The following TIMP3 variants were observed in gnomAD, a reference collection of about 807,000 sequenced individuals.
TIMP3 encodes the protein metalloproteinase inhibitor 3.
In TIMP3, 11 loss-of-function variants were observed where a neutral mutation model predicts 30.0. The observed-to-expected ratio is 0.37, with a 90% confidence interval of 0.23 to 0.61. The LOEUF (loss-of-function observed/expected upper bound fraction) is 0.61, where lower values mean the gene tolerates loss of function less well. TIMP3 is among the 20% of genes least tolerant of loss of function. The pLI, the probability that TIMP3 is intolerant of heterozygous loss-of-function variation, is 0.70. For missense variants in TIMP3, 181 were observed against 276.8 expected, an observed-to-expected ratio of 0.65 and a Z score of 2.45; for synonymous variants, 112 against 111.3, an observed-to-expected ratio of 1.01 and a Z score of -0.04.
intron 3 of TIMP3, among the ~76,000 whole-genome samples, chr22:32,857,757 C>T (rs191992370): frequency 6.6e-6 from 1 of 152,272 alleles, no homozygotes; most frequent in African/African-American, 2.4e-5. Flanking sequence ...AAGAGTTGGC[C>T]TCTAGTCCTA....
chr22:32,819,568 G>A (rs1355882593), intron 1 of TIMP3, among the ~76,000 whole-genome samples: 3 of 152,146 alleles, frequency 2.0e-5, no homozygotes, highest in African/African-American at 7.2e-5. Context: ...TATTCCAGGT[G>A]CTGGGCAGAG....
chr22:32,802,058 G>T lies in TIMP3; in HGVS notation c.57G>T (p.Trp19Cys). The T allele has an allele frequency of 6.3e-7, 1 of 1,576,672 alleles. No homozygotes were observed. The highest frequency in any genetic ancestry group is 8.6e-7 in the Non-Finnish European group (1 of 1,166,094). ...TGGGCAGCTGGAGCCTGGGGGACTG[G>T]GGCGCCGAGGCGTGCACATGCTCGC... is the stretch of plus-strand genomic sequence containing the variant. ...VLLGSWSLGD[W>C]GAEACTCSPS... Residue 19 changes from tryptophan (W) to cysteine (C), a missense_variant, in exon 1 of 5, where the codon TGG (tryptophan) becomes TGT (cysteine). By Grantham distance (215) the Trp-to-Cys change is radical. This residue lies in a region of TIMP3 where 71 missense variants were observed against 79.7 expected (regional missense o/e 0.89). Coordinates refer to ENST00000266085, the MANE Select transcript of TIMP3 (RefSeq NM_000362.5).
chr22:32,841,094 T>C (rs550526848), intron 1 of TIMP3, among the ~76,000 whole-genome samples: 2 of 152,352 alleles, frequency 1.3e-5, no homozygotes, highest in South Asian at 4.1e-4. Flanking sequence ...TAAATCACTC[T>C]GTGTGTGGCA....
At chr22:32,819,703 C>T (rs73158323) in intron 1 of TIMP3, among the ~76,000 whole-genome samples, 153 of 152,210 alleles carry the variant, frequency 1.0e-3, no homozygotes, top group South Asian at 3.3e-3. Context: ...CTCTAGGGGC[C>T]GCGTCTCCCA....
intron 1 of TIMP3, among the ~76,000 whole-genome samples, chr22:32,849,116 C>T (rs894847177): frequency 2.0e-5 from 3 of 152,268 alleles, no homozygotes; most frequent in Non-Finnish European, 4.4e-5. Context: ...GACAATGGCT[C>T]TAACAGGAGA....
At chr22:32,856,225 C>T (rs569818234) in intron 2 of TIMP3, among the ~76,000 whole-genome samples, 1 of 152,198 alleles carries the variant, frequency 6.6e-6, no homozygotes, top group Non-Finnish European at 1.5e-5. Context: ...AGAAAAAGGA[C>T]CTTTGTCACA....
chr22:32,814,112 G>A (rs1320643984), intron 1 of TIMP3, among the ~76,000 whole-genome samples: 2 of 1,392 alleles, frequency 1.4e-3, no homozygotes, highest in African/African-American at 5.4e-3. Context: ...ATACTCGTGT[G>A]TGTGTGTGTG....
intron 1 of TIMP3, among the ~76,000 whole-genome samples, chr22:32,821,151 A>G (rs1414385001): frequency 6.6e-6 from 1 of 152,196 alleles, no homozygotes; most frequent in African/African-American, 2.4e-5. Context: ...CTTAGAGTCA[A>G]AAAAAGCAGA....
At chr22:32,813,518 CACACACACA>C (rs2046971137) in intron 1 of TIMP3, among the ~76,000 whole-genome samples, 2 of 150,168 alleles carry the variant, frequency 1.3e-5, no homozygotes, top group South Asian at 4.2e-4. Context: ...CACACACACA[CACACACACA>C]CACACACACG....
intron 1 of TIMP3, among the ~76,000 whole-genome samples, chr22:32,826,998 G>C (rs1386205968): frequency 6.6e-6 from 1 of 152,184 alleles, no homozygotes; most frequent in Non-Finnish European, 1.5e-5. Flanking sequence ...AACCCAAGAT[G>C]CTTTCAATCC....
intron 1 of TIMP3, among the ~76,000 whole-genome samples, chr22:32,813,524 C>T (rs1210893339): frequency 1.3e-5 from 2 of 150,100 alleles, no homozygotes; most frequent in South Asian, 2.1e-4. Context: ...CACACACACA[C>T]ACACACACAC....
Position 32,859,364 on chromosome 22 carries a change from CCA to C in TIMP3, c.626_627del (p.Thr209ArgfsTer41). Reference sequence around the variant, plus strand: ...CCCCCGGATAAAAGCATCATCAATGCCACAGACCCCTGAGCGCCAGACCCTGC... The same window carrying C: ...CCCCCGGATAAAAGCATCATCAATGCCAGACCCCTGAGCGCCAGACCCTGC... On this transcript the variant is annotated frameshift_variant, in exon 5 of 5. Transcript: ENST00000266085. LOFTEE classifies it high-confidence loss of function. 1 of 1,610,926 alleles carries C rather than the reference CCA, an allele frequency of 6.2e-7. No individual in the cohort carries two copies. Among genetic ancestry groups the C allele is most frequent in the Non-Finnish European group, 8.5e-7 (1 of 1,179,964 alleles).
chr22:32,812,300 G>C (rs952660583), intron 1 of TIMP3, among the ~76,000 whole-genome samples: 1 of 152,156 alleles, frequency 6.6e-6, no homozygotes, highest in Non-Finnish European at 1.5e-5. Flanking sequence ...TAAGGTAAGA[G>C]CCAGGATTTC....
intron 1 of TIMP3, among the ~76,000 whole-genome samples, chr22:32,818,277 TG>T (rs2146039619): frequency 1.3e-5 from 2 of 152,270 alleles, no homozygotes; most frequent in African/African-American, 4.8e-5. Flanking sequence ...ATGGCTCTGC[TG>T]GGCAAAGCAA....
intron 1 of TIMP3, among the ~76,000 whole-genome samples, chr22:32,831,681 C>A (rs984148799): frequency 1.3e-5 from 2 of 152,194 alleles, no homozygotes; most frequent in African/African-American, 4.8e-5. Context: ...GAGCAAAAGA[C>A]CTTACTTGGC....
chr22:32,827,376 C>T (rs1374565052), intron 1 of TIMP3, among the ~76,000 whole-genome samples: 6 of 152,234 alleles, frequency 3.9e-5, no homozygotes, highest in East Asian at 1.9e-4. Context: ...CACCCTACCC[C>T]GTTTCCTTGA....
intron 1 of TIMP3, among the ~76,000 whole-genome samples, chr22:32,810,856 A>G (rs2145986076): frequency 6.6e-6 from 1 of 152,298 alleles, no homozygotes; most frequent in Non-Finnish European, 1.5e-5. Context: ...CTTTTGACTT[A>G]GACTTTATCA....
intron 2 of TIMP3, among the ~76,000 whole-genome samples, chr22:32,854,870 G>A (rs1052249541): frequency 6.6e-6 from 1 of 152,066 alleles, no homozygotes; most frequent in African/African-American, 2.4e-5. Flanking sequence ...AGGCAGGGGC[G>A]CCCAAACTCA....
rs1321098060 is a variant in TIMP3, at chr22:32,860,919, T to C, written c.*1542T>C. ...GTTGTAGGGTTTCTGTTGTGTTTTT[T>C]TTTTTTTTTTTGAAATAAAACTATA... On this transcript the variant is annotated 3_prime_UTR_variant, in exon 5 of 5. Coordinates refer to ENST00000266085, the MANE Select transcript of TIMP3 (RefSeq NM_000362.5). The C allele has an allele frequency of 6.6e-6, 1 of 151,356 alleles. No homozygotes were observed. The highest frequency in any genetic ancestry group is 1.9e-4 in the East Asian group (1 of 5,186). 9.4% of individuals were successfully genotyped at this position (151,356 alleles called of 1,614,324 possible).
Sources: gnomAD v4.1 joint callset for allele counts (sites outside exome capture counted in the v4.1 genomes callset) on GRCh38, gnomAD v4.1.1 for gene constraint, gnomAD v4.1.1 regional missense constraint, MANE v1.5 for transcripts, NCBI Gene and HGNC (gene_info 2026-07-23, HGNC 2026-07-21) for gene names.